The following GTF2IRD1 variants were observed in gnomAD, a reference collection of about 807,000 sequenced individuals.
GTF2IRD1 encodes GTF2I repeat domain containing 1.
GTF2IRD1 carries 26 observed loss-of-function variants against 113.2 expected under a neutral mutation model. That is an observed-to-expected ratio of 0.23 (90% CI 0.17 to 0.32). The LOEUF is 0.32. GTF2IRD1 is among the 10% of genes least tolerant of loss of function. The pLI is 1.00. For synonymous variants in GTF2IRD1, 484 were observed against 529.1 expected, an observed-to-expected ratio of 0.91 and a Z score of 1.17; for missense variants, 864 against 1,280.8, an observed-to-expected ratio of 0.67 and a Z score of 4.97.
At chr7:74,476,647 G>A (rs1343748129) in intron 1 of GTF2IRD1, among the ~76,000 whole-genome samples, 3 of 151,938 alleles carry the variant, frequency 2.0e-5, no homozygotes, top group African/African-American at 4.8e-5. Flanking sequence ...GTTCCCCACC[G>A]TACTCTCCTG....
At chr7:74,586,373 G>A (rs80346167) in intron 22 of GTF2IRD1, among the ~76,000 whole-genome samples, 11,015 of 152,158 alleles carry the variant, frequency 0.072, 553 homozygotes, top group East Asian at 0.22. Context: ...GATGTGGAGC[G>A]TGGGGTCTTT....
At chr7:74,523,986 G>A in intron 7 of GTF2IRD1, 85 bp from the exon 8 acceptor site, 8 of 939,968 alleles carry the variant, frequency 8.5e-6, no homozygotes, top group South Asian at 8.2e-5. Flanking sequence ...GGCTCTGGGG[G>A]TGAAAGCCCG....
At chr7:74,528,123 C>T (rs1395842402) in intron 8 of GTF2IRD1, among the ~76,000 whole-genome samples, 1 of 152,216 alleles carries the variant, frequency 6.6e-6, no homozygotes, top group African/African-American at 2.4e-5. Flanking sequence ...CAAGCTTGGG[C>T]ACTTCCTTTA....
At chr7:74,508,876 G>A (rs773784280) in intron 2 of GTF2IRD1, among the ~76,000 whole-genome samples, 2 of 151,982 alleles carry the variant, frequency 1.3e-5, no homozygotes, top group Non-Finnish European at 1.5e-5. Flanking sequence ...AATCCCCAAC[G>A]TTAAAGCAAG....
At chr7:74,597,335 AC>A (rs1802482214) in intron 25 of GTF2IRD1, among the ~76,000 whole-genome samples, 1 of 136,330 alleles carries the variant, frequency 7.3e-6, no homozygotes, top group African/African-American at 2.8e-5. Context: ...AGCCACTGCT[AC>A]CGGCCTTTTT....
At chr7:74,487,852 T>A (rs1431241415) in intron 1 of GTF2IRD1, among the ~76,000 whole-genome samples, 1 of 152,258 alleles carries the variant, frequency 6.6e-6, no homozygotes, top group Non-Finnish European at 1.5e-5. Context: ...AGGACATTTT[T>A]AAAAGAATTA....
intron 22 of GTF2IRD1, among the ~76,000 whole-genome samples, chr7:74,572,122 T>C (rs1200162901): frequency 6.6e-6 from 1 of 152,096 alleles, no homozygotes; most frequent in African/African-American, 2.4e-5. Flanking sequence ...ACCCAGTGGG[T>C]GCTATGGTGG....
rs1799530356 is a variant in GTF2IRD1, at chr7:74,555,370, A to G, written c.1967-68A>G. On this transcript the variant is annotated intron_variant, in intron 18 of 26. Coordinates refer to ENST00000424337, the MANE Select transcript of GTF2IRD1 (RefSeq NM_005685.4). The surrounding 1 kb of genome is among the most constrained non-coding windows in gnomAD (Gnocchi z 5.3). Reference sequence around the variant, plus strand: ...CACACCCCCACATTGGGTTTCCCCTAACGATGCCATCTTGGGTCCCAGGAA... The same window carrying G: ...CACACCCCCACATTGGGTTTCCCCTGACGATGCCATCTTGGGTCCCAGGAA... The G allele has an allele frequency of 6.4e-7, 1 of 1,569,772 alleles. No individual in the cohort carries two copies. Among genetic ancestry groups the G allele is most frequent in the South Asian group, 1.1e-5 (1 of 90,172 alleles).
chr7:74,474,069 CA>C lies in GTF2IRD1; in HGVS notation c.-7+19905del, dbSNP rs782128880. On this transcript the variant is annotated intron_variant, in intron 1 of 26. Transcript: ENST00000424337. ...CGAAACCCCATCTCTACTAAAAATACAAAAAAAAAAAACAAACAAAAAAATT... is the reference window on the plus strand; with the variant it reads ...CGAAACCCCATCTCTACTAAAAATACAAAAAAAAAAACAAACAAAAAAATT... Among the ~76,000 whole-genome samples, 38 of 87,522 alleles carry C rather than the reference CA, an allele frequency of 4.3e-4. 1 individual carries two copies. Among genetic ancestry groups the C allele is most frequent in the South Asian group, 1.7e-3 (5 of 2,952 alleles). 57.4% of individuals were successfully genotyped at this position (87,522 alleles called of 152,430 possible).
In GTF2IRD1 at chr7:74,601,137, C is replaced by G; in HGVS notation, c.2723C>G (p.Ser908Cys). Reference sequence around the variant, plus strand: ...TCCTCGTCTTCCTCTTCCTCGTCCTCTAACCCGGATTCAGTGGCATCGGCC... The same window carrying G: ...TCCTCGTCTTCCTCTTCCTCGTCCTGTAACCCGGATTCAGTGGCATCGGCC... The part of the protein sequence containing the change: ...SSSSSSSSSS[S>C]NPDSVASANQ... Residue 908 changes from serine (S) to cysteine (C), a missense_variant, in exon 26 of 27, where the codon TCT becomes TGT. Physicochemically the swap from Ser to Cys is moderately radical, Grantham distance 112. This residue lies in a region of GTF2IRD1 where 55 missense variants were observed against 52.2 expected (regional missense o/e 1.05). Transcript: ENST00000424337. 1 of 1,611,470 alleles carries G rather than the reference C, an allele frequency of 6.2e-7. No individual in the cohort carries two copies. Among genetic ancestry groups the G allele is most frequent in the Non-Finnish European group, 8.5e-7 (1 of 1,178,724 alleles).
At chr7:74,515,801 C>T (rs587746939) in intron 4 of GTF2IRD1, among the ~76,000 whole-genome samples, 11 of 152,272 alleles carry the variant, frequency 7.2e-5, no homozygotes, top group African/African-American at 2.6e-4. Flanking sequence ...TCCAAACCTC[C>T]ACCCCTACTG....
intron 2 of GTF2IRD1, among the ~76,000 whole-genome samples, chr7:74,511,469 T>A (rs1417835414): frequency 1.3e-5 from 2 of 152,210 alleles, no homozygotes; most frequent in Non-Finnish European, 2.9e-5. Flanking sequence ...GATTTATTTG[T>A]TTTATTTTTT....
chr7:74,519,424 C>A lies in GTF2IRD1; in HGVS notation c.621C>A (p.Gly207=). 1 of 1,528,704 alleles carries A rather than the reference C, an allele frequency of 6.5e-7. No individual in the cohort carries two copies. Among genetic ancestry groups the A allele is most frequent in the Non-Finnish European group, 8.8e-7 (1 of 1,137,754 alleles). The allele number at this position is 1,528,704 out of a possible 1,614,324, so 94.7% of individuals were successfully genotyped here. A position where few individuals can be genotyped will look rare whatever the true frequency, so the allele number is the denominator to read the frequency against. The change falls in exon 6 of 27, where the codon GGC becomes GGA. Residue 207 remains glycine (G), a synonymous_variant. Coordinates refer to ENST00000424337, the MANE Select transcript of GTF2IRD1 (RefSeq NM_005685.4). ...RFKLKRPLED[G]GRDSKALVEL... ...CTTTACTCAGGCCACTTGAGGATGGCGGGCGGGACTCGAAGGCCCTGGTGG... is the reference window on the plus strand; with the variant it reads ...CTTTACTCAGGCCACTTGAGGATGGAGGGCGGGACTCGAAGGCCCTGGTGG...
rs1705221649 is a variant in GTF2IRD1 at position 74,460,121 on chromosome 7, A to G, written c.-7+5945A>G. ...CTCCCAAGTAGGTGGGACCACAGGC[A>G]CACGCCACCGTGCCCGGCTAATTTT... is the stretch of plus-strand genomic sequence containing the variant. On this transcript the variant is annotated intron_variant, in intron 1 of 26. Transcript: ENST00000424337. 1.3e-5 allele frequency among the ~76,000 whole-genome samples: 2 copies of G among 151,794 alleles called. 1 individual carries two copies. The highest frequency in any genetic ancestry group is 4.2e-4 in the South Asian group (2 of 4,816).
chr7:74,491,311 CT>C (rs1178298791), intron 1 of GTF2IRD1, among the ~76,000 whole-genome samples: 4,155 of 95,688 alleles, frequency 0.043, 173 homozygotes, highest in African/African-American at 0.15. Context: ...AAAAAAAATT[CT>C]TTTTTTTTTT....
intron 1 of GTF2IRD1, among the ~76,000 whole-genome samples, chr7:74,470,834 T>C (rs1554332143): frequency 1.3e-5 from 2 of 151,990 alleles, no homozygotes; most frequent in Non-Finnish European, 2.9e-5. Context: ...GACGGAGCCT[T>C]GCTCTCTTGC....
intron 1 of GTF2IRD1, among the ~76,000 whole-genome samples, chr7:74,457,789 C>A (rs1793082082): frequency 6.6e-6 from 1 of 152,042 alleles, no homozygotes; most frequent in Non-Finnish European, 1.5e-5. Context: ...TCAGGGGACA[C>A]CCATGGAAGA....
At chr7:74,471,094 C>G (rs561975503) in intron 1 of GTF2IRD1, among the ~76,000 whole-genome samples, 1 of 152,274 alleles carries the variant, frequency 6.6e-6, no homozygotes, top group African/African-American at 2.4e-5. Context: ...CGTGAGCCAC[C>G]GTGCCCGGCC....
intron 17 of GTF2IRD1, among the ~76,000 whole-genome samples, chr7:74,551,696 G>GT (rs1241696151): frequency 1.1e-4 from 17 of 152,284 alleles, no homozygotes; most frequent in African/African-American, 4.1e-4. Context: ...CCAGCACTTT[G>GT]GGAGGCTGAG....
Sources: allele counts gnomAD v4.1 joint callset (sites outside exome capture counted in the v4.1 genomes callset), GRCh38; gene constraint gnomAD v4.1.1; regional missense constraint gnomAD v4.1.1; non-coding constraint Gnocchi (gnomAD v3.1); transcripts MANE v1.5; gene names NCBI Gene and HGNC (gene_info 2026-07-23, HGNC 2026-07-21).